Variants in CHD1L observed in about 807,000 individuals in gnomAD.
CHD1L encodes the protein ATP-dependent chromatin remodeler CHD1L.
Under a neutral mutation model 115.9 loss-of-function variants are expected in CHD1L, and 118 were observed. That is an observed-to-expected ratio of 1.02 (90% CI 0.88 to 1.19). The LOEUF (loss-of-function observed/expected upper bound fraction) is 1.19. CHD1L is among the 50% of genes most tolerant of loss of function. The pLI is 0.00. For synonymous variants in CHD1L, 411 were observed against 387.1 expected, an observed-to-expected ratio of 1.06 and a Z score of -0.72; for missense variants, 1,179 against 1,065.3, an observed-to-expected ratio of 1.11 and a Z score of -1.49.
chr1:147,266,044 A>G lies in CHD1L; in HGVS notation c.852A>G (p.Ala284=), dbSNP rs782032154. 105 of 1,613,626 alleles carry G rather than the reference A, an allele frequency of 6.5e-5. No individual in the cohort carries two copies. Among genetic ancestry groups the G allele is most frequent in the Non-Finnish European group, 7.3e-5 (86 of 1,179,754 alleles). Residue 284 remains alanine, a synonymous_variant, in exon 8 of 23, where the codon GCA becomes GCG. Coordinates refer to ENST00000369258, the MANE Select transcript of CHD1L (RefSeq NM_004284.6). ...TEVVIYHGMS[A]LQKKYYKAIL... is the part of the protein sequence containing the mutation. Reference sequence around the variant, plus strand: ...TAGTGATATACCATGGCATGTCAGCATTGCAGAAGAAATACTACAAGGCCA... The same window carrying G: ...TAGTGATATACCATGGCATGTCAGCGTTGCAGAAGAAATACTACAAGGCCA...
chr1:147,261,016 G>A (rs1379988823), intron 6 of CHD1L: 1 of 152,168 alleles, frequency 6.6e-6, no homozygotes, highest in African/African-American at 2.4e-5. Context: ...GTCACTTGGA[G>A]GAAAGTCTTA....
chr1:147,277,002 AGAAG>A (rs1678745966), intron 14 of CHD1L, among the ~76,000 whole-genome samples: 1 of 152,196 alleles, frequency 6.6e-6, no homozygotes, highest in South Asian at 2.1e-4. Flanking sequence ...ACATTGCAAA[AGAAG>A]GAAGGACAGG....
the CHD1L span, chr1:147,190,309 T>C: frequency 9.5e-7 from 1 of 1,050,708 alleles, no homozygotes; most frequent in South Asian, 1.3e-5. Flanking sequence ...AATAATCCTA[T>C]AAACAATTAC....
intron 12 of CHD1L, among the ~76,000 whole-genome samples, chr1:147,275,092 C>G (rs782371923): frequency 8.5e-5 from 13 of 152,186 alleles, no homozygotes; most frequent in Non-Finnish European, 1.9e-4. Context: ...ACTTAAGTAT[C>G]CACCTTGGCC....
chr1:147,269,547 T>G (rs2102631915), intron 10 of CHD1L, among the ~76,000 whole-genome samples: 1 of 151,582 alleles, frequency 6.6e-6, no homozygotes, highest in Admixed American at 6.6e-5. Context: ...CAGGCGCCTG[T>G]AGTCCCAGCT....
the CHD1L span, among the ~76,000 whole-genome samples, chr1:147,182,665 A>G: frequency 4.6e-5 from 7 of 152,262 alleles, no homozygotes; most frequent in African/African-American, 1.7e-4. Context: ...TTACTGAATG[A>G]AGGGGAGTCA....
At chr1:147,178,101 C>T in the CHD1L span, 4 of 1,545,320 alleles carry the variant, frequency 2.6e-6, no homozygotes, top group African/African-American at 2.7e-5. Context: ...TGCCCCCACC[C>T]CACCTCGCCG....
Position 147,242,731 on chromosome 1 carries a change from G to C in CHD1L, c.28G>C (p.Gly10Arg), listed in dbSNP as rs781885928. The C allele has an allele frequency of 3.1e-5, 39 of 1,259,510 alleles. No homozygotes were observed. The highest frequency in any genetic ancestry group is 3.7e-5 in the Non-Finnish European group (37 of 996,960). 78.0% of individuals were successfully genotyped at this position (1,259,510 alleles called of 1,614,324 possible). A position where few individuals can be genotyped will look rare whatever the true frequency, so the allele number is the denominator to read the frequency against. MERAGATSRGGQAPGFLLRL... is the reference protein window; with the variant it reads MERAGATSRRGQAPGFLLRL... ...GGAGCGCGCGGGCGCTACTAGCCGC[G>C]GGGGCCAAGCCCCTGGCTTCTTACT... Residue 10 changes from glycine to arginine, a missense_variant, in exon 1 of 23, where the codon GGG (glycine) becomes CGG (arginine). Coordinates refer to ENST00000369258, the MANE Select transcript of CHD1L (RefSeq NM_004284.6).
At chr1:147,229,814 T>C in the CHD1L span, among the ~76,000 whole-genome samples, 6 of 151,968 alleles carry the variant, frequency 3.9e-5, no homozygotes, top group Admixed American at 3.3e-4. Flanking sequence ...TCTGTTTGTC[T>C]GTTATTGGTG....
the CHD1L span, among the ~76,000 whole-genome samples, chr1:147,236,102 G>A: frequency 6.6e-6 from 1 of 152,168 alleles, no homozygotes; most frequent in Non-Finnish European, 1.5e-5. Flanking sequence ...GCAGCTCCAG[G>A]TGCCAGTATG....
chr1:147,275,836 T>A (rs940960263), intron 13 of CHD1L, among the ~76,000 whole-genome samples: 2 of 151,932 alleles, frequency 1.3e-5, no homozygotes, highest in South Asian at 2.1e-4. Context: ...GATAATTTGA[T>A]CTTCCAGATA....
chr1:147,268,758 G>A (rs1468038034), intron 9 of CHD1L, 24 bp from the exon 10 acceptor site: 27 of 1,600,870 alleles, frequency 1.7e-5, no homozygotes, highest in Non-Finnish European at 2.3e-5. Context: ...GCACATTACT[G>A]GGAGTGGGTT....
chr1:147,275,247 T>C (rs1483171997), intron 12 of CHD1L, 107 bp from the exon 13 acceptor site: 1 of 803,018 alleles, frequency 1.2e-6, no homozygotes, highest in Non-Finnish European at 2.2e-6. Flanking sequence ...AAGCCAATTG[T>C]TTTGACTGAT....
At chr1:147,249,042 T>C (rs1413347424) in intron 1 of CHD1L, among the ~76,000 whole-genome samples, 1 of 152,222 alleles carries the variant, frequency 6.6e-6, no homozygotes, top group African/African-American at 2.4e-5. Context: ...ACCTTGATGT[T>C]CCAAGGTTCC....
intron 5 of CHD1L, chr1:147,259,172 T>C (rs1235233032): frequency 6.6e-6 from 1 of 152,264 alleles, no homozygotes; most frequent in African/African-American, 2.4e-5. Flanking sequence ...TCAAAGTATT[T>C]GCTTTTATGA....
chr1:147,248,210 A>ATTTTTTTTTTTTTTTTTTT (rs782741705), intron 1 of CHD1L, among the ~76,000 whole-genome samples: 1 of 150,018 alleles, frequency 6.7e-6, no homozygotes. Context: ...TGGAAGTCTT[A>ATTTTTTTTTTTTTTTTTTT]TTTTTTTTTT....
the CHD1L span, chr1:147,184,713 G>A: frequency 0.075 from 102,845 of 1,367,396 alleles, 4,292 homozygotes; most frequent in African/African-American, 0.13. The surrounding 1 kb of genome is among the most constrained non-coding windows in gnomAD (Gnocchi z 4.4). Flanking sequence ...CATACTATCA[G>A]TGTGACTTAT....
the CHD1L span, chr1:147,208,863 C>T: frequency 1.2e-6 from 2 of 1,613,860 alleles, no homozygotes; most frequent in East Asian, 2.2e-5. Context: ...TGTGTTTAGG[C>T]TTCAGGCCAA....
chr1:147,275,668 C>T (rs1678120234), intron 13 of CHD1L, among the ~76,000 whole-genome samples, 200 bp downstream of exon 13: 1 of 150,552 alleles, frequency 6.6e-6, no homozygotes, highest in South Asian at 2.1e-4. Context: ...TAGAAGGAGT[C>T]AAATCAAACT....
Sources: gnomAD v4.1 joint callset for allele counts (sites outside exome capture counted in the v4.1 genomes callset) on GRCh38, gnomAD v4.1.1 for gene constraint, Gnocchi (gnomAD v3.1) non-coding constraint, MANE v1.5 for transcripts, NCBI Gene and HGNC (gene_info 2026-07-23, HGNC 2026-07-21) for gene names.